Variants in TOX2 observed in about 807,000 individuals in gnomAD.
TOX2 encodes the protein granulosa cell HMG box 1.
Under a neutral mutation model 47.4 loss-of-function variants are expected in TOX2, and 15 were observed. The ratio of observed to expected loss-of-function variants is 0.32; its 90% CI spans 0.21 to 0.49. The LOEUF is 0.49. Among genes scored for constraint, TOX2 ranks in the 20% least tolerant of loss-of-function variants. TOX2 has a pLI of 0.99. For missense variants in TOX2, 622 were observed against 673.1 expected (o/e 0.92, Z 0.84); for synonymous variants, 290 against 296.6 (o/e 0.98, Z 0.23).
At chr20:43,980,040 G>A (rs893935789) in intron 2 of TOX2, among the ~76,000 whole-genome samples, 2 of 152,238 alleles carry the variant, frequency 1.3e-5, no homozygotes, top group African/African-American at 4.8e-5. Context: ...ATACCCCAAA[G>A]AAAGGAAATC....
intron 4 of TOX2, among the ~76,000 whole-genome samples, chr20:44,051,939 A>G (rs1011081864): frequency 6.6e-6 from 1 of 152,110 alleles, no homozygotes; most frequent in Non-Finnish European, 1.5e-5. Flanking sequence ...ATTCCAACAA[A>G]TGTTGAGGGG....
intron 2 of TOX2, among the ~76,000 whole-genome samples, chr20:43,995,862 A>G (rs1054738468): frequency 9.2e-5 from 14 of 152,188 alleles, no homozygotes; most frequent in Admixed American, 6.5e-4. Context: ...TTATGACTGC[A>G]TAGTATTCCA....
At chr20:43,955,633 C>G (rs886080931) in intron 1 of TOX2, among the ~76,000 whole-genome samples, 3 of 152,084 alleles carry the variant, frequency 2.0e-5, no homozygotes, top group African/African-American at 7.3e-5. Flanking sequence ...GATCCCTTGC[C>G]CTTGGCACTT....
intron 3 of TOX2, among the ~76,000 whole-genome samples, chr20:44,050,453 A>G (rs537891892): frequency 6.6e-6 from 1 of 152,264 alleles, no homozygotes; most frequent in Non-Finnish European, 1.5e-5. Context: ...AGGGCAAATA[A>G]ATAACCACAG....
intron 1 of TOX2, among the ~76,000 whole-genome samples, chr20:43,931,198 GTACAAACATGGCT>G (rs139541937): frequency 2.6e-5 from 4 of 152,274 alleles, no homozygotes; most frequent in Admixed American, 1.3e-4. Flanking sequence ...GAGTGTAGTG[GTACAAACATGGCT>G]TACTGCAGCC....
chr20:44,006,551 A>G lies in TOX2; in HGVS notation c.170A>G (p.Tyr57Cys). ...NPELLSTSQT[Y>C]NGQSENNEDY... ...CATGTCTTTTTGATGTTTTAGACCT[A>G]CAACGGCCAGAGCGAGAACAACGAA... is the stretch of plus-strand genomic sequence containing the variant. Residue 57 changes from tyrosine (Y) to cysteine (C), a missense_variant, in exon 3 of 9, where the codon TAC becomes TGC. Tyr to Cys is a radical substitution (Grantham distance 194). Transcript: ENST00000341197. The G allele has an allele frequency of 6.2e-7, 1 of 1,612,262 alleles. No homozygotes were observed. The highest frequency in any genetic ancestry group is 8.5e-7 in the Non-Finnish European group (1 of 1,179,580).
At chr20:43,965,080 A>G (rs1283795305) in intron 1 of TOX2, among the ~76,000 whole-genome samples, 1 of 152,178 alleles carries the variant, frequency 6.6e-6, no homozygotes, top group Non-Finnish European at 1.5e-5. Context: ...TCGCAAGGGT[A>G]GTCTCCCCAA....
chr20:43,957,284 T>A (rs934209835), intron 1 of TOX2, among the ~76,000 whole-genome samples: 36 of 152,356 alleles, frequency 2.4e-4, no homozygotes, highest in African/African-American at 8.7e-4. Context: ...AGGGACAGGA[T>A]AACCCTCTTG....
chr20:44,066,220 C>A, intron 7 of TOX2, 113 bp downstream of exon 7: 2 of 1,184,448 alleles, frequency 1.7e-6, no homozygotes, highest in Non-Finnish European at 2.3e-6. Context: ...TCAGCCTTGG[C>A]ACCTGACCTC....
intron 1 of TOX2, among the ~76,000 whole-genome samples, chr20:43,959,085 G>C (rs2069715555): frequency 6.6e-6 from 1 of 152,204 alleles, no homozygotes; most frequent in African/African-American, 2.4e-5. Context: ...AGAACAGAGG[G>C]GTGGCTCTCT....
At chr20:44,032,460 G>T (rs2071171582) in intron 3 of TOX2, among the ~76,000 whole-genome samples, 1 of 152,228 alleles carries the variant, frequency 6.6e-6, no homozygotes, top group African/African-American at 2.4e-5. Context: ...AGAGAGCCCT[G>T]TGGTGGGAGG....
At position 43,923,306 on chromosome 20, in the gene TOX2, G is replaced by A. The variant is rs749936372; in HGVS notation, c.99+8316G>A. 6.1e-4 allele frequency among the ~76,000 whole-genome samples: 93 copies of A among 151,554 alleles called. 1 individual carries two copies. Among genetic ancestry groups the A allele is most frequent in the Non-Finnish European group, 2.1e-4 (14 of 67,898 alleles). ...TTGCTGGATTCTGACCATCCTCAAC[G>A]ACTGTCTCTTGGTCTTCTGCTGATG... On this transcript the variant is annotated intron_variant, in intron 1 of 8. Coordinates refer to ENST00000341197, the MANE Select transcript of TOX2 (RefSeq NM_001098797.2).
At chr20:43,941,454 T>C (rs1410138496) in intron 1 of TOX2, among the ~76,000 whole-genome samples, 1 of 151,710 alleles carries the variant, frequency 6.6e-6, no homozygotes, top group Non-Finnish European at 1.5e-5. Flanking sequence ...TGCCTCAGCC[T>C]CCTGAGTAGC....
intron 1 of TOX2, among the ~76,000 whole-genome samples, chr20:43,948,573 C>T (rs1466607334): frequency 6.6e-6 from 1 of 152,230 alleles, no homozygotes; most frequent in Non-Finnish European, 1.5e-5. Context: ...CCAGTGGAGG[C>T]AGCTGGGGGT....
intron 1 of TOX2, among the ~76,000 whole-genome samples, chr20:43,972,976 A>G (rs2070002699): frequency 6.6e-6 from 1 of 152,246 alleles, no homozygotes; most frequent in African/African-American, 2.4e-5. Context: ...CCCCCAGCAC[A>G]TGGGATTCCA....
intron 3 of TOX2, among the ~76,000 whole-genome samples, chr20:44,014,128 CAAAAAAAAAAAAAAAAAA>C (rs55721806): frequency 1.9e-5 from 1 of 53,570 alleles, no homozygotes; most frequent in Non-Finnish European, 3.2e-5. Flanking sequence ...GAGACTATCT[CAAAAAAAAAAAAAAAAAA>C]AAAAAAAAAG....
intron 2 of TOX2, among the ~76,000 whole-genome samples, chr20:43,981,660 GGA>G (rs1260684808): frequency 6.6e-6 from 1 of 152,204 alleles, no homozygotes; most frequent in Non-Finnish European, 1.5e-5. Flanking sequence ...GTAAGAAGAA[GGA>G]GAGAGTCAGT....
At chr20:44,023,954 C>G (rs1434104754) in intron 3 of TOX2, among the ~76,000 whole-genome samples, 1 of 152,158 alleles carries the variant, frequency 6.6e-6, no homozygotes, top group Non-Finnish European at 1.5e-5. Context: ...GCCACATCCC[C>G]TCTCCCTTAG....
At chr20:44,008,570 A>T (rs9753581) in intron 3 of TOX2, among the ~76,000 whole-genome samples, 96,580 of 151,610 alleles carry the variant, frequency 0.64, 30,918 homozygotes, top group South Asian at 0.7. Context: ...AAAAAAAAAA[A>T]AATAATAATG....
Sources: gnomAD v4.1 joint callset for allele counts (sites outside exome capture counted in the v4.1 genomes callset) on GRCh38, gnomAD v4.1.1 for gene constraint, MANE v1.5 for transcripts, NCBI Gene and HGNC (gene_info 2026-07-23, HGNC 2026-07-21) for gene names.